CTNND1: variants seen among roughly 807,000 people sequenced by gnomAD.
CTNND1 encodes the protein catenin delta 1.
A neutral mutation model predicts 112.1 loss-of-function variants in CTNND1; 16 were observed. The observed-to-expected ratio is 0.14, with a 90% CI of 0.10 to 0.22. The LOEUF is 0.22. Ranked by LOEUF, CTNND1 falls within the 10% of genes least tolerant of loss-of-function variation. The probability of loss-of-function intolerance (pLI) is 1.00; values close to 1 mark genes in which losing one functional copy is unlikely to be tolerated. For missense variants in CTNND1, 1,008 were observed against 1,257.0 expected (o/e 0.80, Z 3.00); for synonymous variants, 420 against 446.5 (o/e 0.94, Z 0.75).
At position 57,796,501 on chromosome 11, in the gene CTNND1, A is replaced by T. The variant is rs1399950402; in HGVS notation, c.465A>T (p.Pro155=). ...CTGTGACAACACGGACAGTACAGCC[A>T]GTCGCTATGGGACCAGACGGGTTGC... ...VKTVTTRTVQ[P]VAMGPDGLPV... is the part of the protein sequence containing the mutation. Residue 155 remains proline, a synonymous_variant, in exon 6 of 21, where the codon CCA becomes CCT. Transcript: ENST00000399050. 1 of 1,613,826 alleles carries T rather than the reference A, an allele frequency of 6.2e-7. No homozygotes were observed. The highest frequency in any genetic ancestry group is 1.7e-5 in the Admixed American group (1 of 60,014).
intron 3 of CTNND1, 88 bp from the exon 4 acceptor site, chr11:57,793,922 T>G (rs1275760503): frequency 7.4e-7 from 1 of 1,347,022 alleles, no homozygotes; most frequent in Non-Finnish European, 1.1e-6. Context: ...TTGAAAGCCC[T>G]TTTCCTGTTT....
chr11:57,774,964 C>T (rs1218585551), intron 1 of CTNND1, among the ~76,000 whole-genome samples: 2 of 150,784 alleles, frequency 1.3e-5, no homozygotes, highest in Non-Finnish European at 2.9e-5. Context: ...CTGCCTGCCT[C>T]AGCCTCCCAA....
intron 1 of CTNND1, among the ~76,000 whole-genome samples, chr11:57,766,739 T>G (rs1253374715): frequency 6.6e-6 from 1 of 152,184 alleles, no homozygotes; most frequent in Non-Finnish European, 1.5e-5. Context: ...TTTAATTGTT[T>G]AATGTATTTT....
intron 4 of CTNND1, 22 bp from the exon 5 acceptor site, chr11:57,795,550 TTCTTC>T: frequency 1.3e-6 from 2 of 1,594,924 alleles, no homozygotes. Context: ...TAATAGTAGT[TTCTTC>T]TCTTTTCTCT....
chr11:57,814,864 T>C (rs1228137737), intron 18 of CTNND1, among the ~76,000 whole-genome samples: 1 of 152,170 alleles, frequency 6.6e-6, no homozygotes, highest in African/African-American at 2.4e-5. Context: ...GCAGCATATT[T>C]CACTCGCTCT....
intron 1 of CTNND1, among the ~76,000 whole-genome samples, chr11:57,781,865 C>T (rs187339716): frequency 4.3e-4 from 66 of 152,236 alleles, no homozygotes; most frequent in Middle Eastern, 3.4e-3. Flanking sequence ...GGCCCCCTCA[C>T]TAGCTGAGAG....
intron 1 of CTNND1, among the ~76,000 whole-genome samples, chr11:57,783,572 T>A (rs1057294456): frequency 6.6e-5 from 10 of 151,304 alleles, no homozygotes; most frequent in Non-Finnish European, 2.9e-5. Context: ...GGCAGGAGAA[T>A]GCTGTGAACC....
At position 57,815,387 on chromosome 11, in the gene CTNND1, TAACC is replaced by T; in HGVS notation, c.2702-5_2702-2del. The T allele has an allele frequency of 6.6e-7, 1 of 1,525,364 alleles. No individual in the cohort carries two copies. The allele number at this position is 1,525,364 out of a possible 1,614,324, so 94.5% of individuals were successfully genotyped here. A position where few individuals can be genotyped will look rare whatever the true frequency, so the allele number is the denominator to read the frequency against. On this transcript the variant is annotated splice_polypyrimidine_tract_variant and splice_region_variant and intron_variant, in intron 18 of 20. Transcript: ENST00000399050. ...ATATTTCTGTGTACTTTTTTTTTTTTAACCAGATAACAACTATTCCACACCAAAT... is the reference window on the plus strand; with the variant it reads ...ATATTTCTGTGTACTTTTTTTTTTTTAGATAACAACTATTCCACACCAAAT...
chr11:57,810,096 C>G lies in CTNND1; in HGVS notation c.2436-13C>G. On this transcript the variant is annotated splice_polypyrimidine_tract_variant and intron_variant, in intron 15 of 20. Transcript: ENST00000399050. The stretch of plus-strand genomic sequence containing the variant: ...TATATCCAAATTCCGTATGGTGTTA[C>G]TTTCCTCCAAAGGAACCGCTCAGAA... 6.3e-7 allele frequency: 1 copy of G among 1,595,638 alleles called. No individual in the cohort carries two copies. The highest frequency in any genetic ancestry group is 8.5e-7 in the Non-Finnish European group (1 of 1,170,434).
rs1261959449 is a variant in CTNND1, at chr11:57,805,875, C to T, written c.1723-7C>T. On this transcript the variant is annotated splice_region_variant and splice_polypyrimidine_tract_variant and intron_variant, in intron 9 of 20. Transcript: ENST00000399050. Reference sequence around the variant, plus strand: ...TTTTTTCTCATTGGCCCTTTTATGTCCCTAAGCTTGTAGAGAACTGTGTTT... The same window carrying T: ...TTTTTTCTCATTGGCCCTTTTATGTTCCTAAGCTTGTAGAGAACTGTGTTT... 1 of 1,612,966 alleles carries T rather than the reference C, an allele frequency of 6.2e-7. No homozygotes were observed. Among genetic ancestry groups the T allele is most frequent in the Admixed American group, 1.7e-5 (1 of 59,920 alleles).
chr11:57,814,329 A>C lies in CTNND1; in HGVS notation c.2657A>C (p.Glu886Ala), dbSNP rs749370082. The change falls in exon 18 of 21, where the codon GAA (glutamate) becomes GCA (alanine). Residue 886 changes from glutamate (E) to alanine (A), a missense_variant. This residue lies in a region of CTNND1 where 106 missense variants were observed against 116.2 expected (regional missense o/e 0.91). Coordinates refer to ENST00000399050, the MANE Select transcript of CTNND1 (RefSeq NM_001085458.2). ...NQKSDKKPDREEIQMSNMGSN... is the reference protein window; with the variant it reads ...NQKSDKKPDRAEIQMSNMGSN... ...CATACAGATAAGAAACCTGATCGGG[A>C]AGAAATTCAGATGAGCAATATGGGA... 6.2e-7 allele frequency: 1 copy of C among 1,612,118 alleles called. No homozygotes were observed. Among genetic ancestry groups the C allele is most frequent in the Non-Finnish European group, 8.5e-7 (1 of 1,179,046 alleles).
chr11:57,786,271 C>T (rs973234377), intron 1 of CTNND1, among the ~76,000 whole-genome samples: 2 of 151,058 alleles, frequency 1.3e-5, no homozygotes, highest in Admixed American at 6.6e-5. Flanking sequence ...CCGTGGCTCA[C>T]GCCTGTAATC....
In CTNND1 at chr11:57,796,959, CTGGGA is replaced by C; in HGVS notation, c.924_928del (p.Gly309ThrfsTer3). ...TCTGATTATGGCACTGCCCGTCGGA[CTGGGA>C]CACCCTCTGACCCTCGTCGGCGCCT... On this transcript the variant is annotated frameshift_variant, in exon 6 of 21. Transcript: ENST00000399050. LOFTEE classifies it high-confidence loss of function. 2 of 1,524,564 alleles carry C rather than the reference CTGGGA, an allele frequency of 1.3e-6. No individual in the cohort carries two copies. The highest frequency in any genetic ancestry group is 1.3e-5 in the South Asian group (1 of 78,166). 94.4% of individuals were successfully genotyped at this position (1,524,564 alleles called of 1,614,324 possible).
At chr11:57,800,158 G>A (rs1246925818) in intron 6 of CTNND1, among the ~76,000 whole-genome samples, 1 of 151,228 alleles carries the variant, frequency 6.6e-6, no homozygotes, top group African/African-American at 2.4e-5. Context: ...TTATGGTTGG[G>A]GTGGATGCAA....
At chr11:57,794,992 A>T (rs959516601) in intron 4 of CTNND1, among the ~76,000 whole-genome samples, 12 of 151,534 alleles carry the variant, frequency 7.9e-5, no homozygotes, top group African/African-American at 2.7e-4. Context: ...TGAGCCCAGG[A>T]GTTCAAGACC....
chr11:57,815,977 G>A lies in CTNND1; in HGVS notation c.2871G>A (p.Gly957=). Reference sequence around the variant, plus strand: ...ATGTGTTGGTTTTGGATGATGAGGGGGGCCAAGTGTCTTACCCCTCCATGG... The same window carrying A: ...ATGTGTTGGTTTTGGATGATGAGGGAGGCCAAGTGTCTTACCCCTCCATGG... The part of the protein sequence containing the change: ...ELDVLVLDDE[G]GQVSYPSMQK... The change falls in exon 20 of 21, where the codon GGG becomes GGA. Residue 957 remains glycine, a synonymous_variant. Transcript: ENST00000399050. 3 of 1,595,996 alleles carry A rather than the reference G, an allele frequency of 1.9e-6. No homozygotes were observed. The highest frequency in any genetic ancestry group is 2.6e-6 in the Non-Finnish European group (3 of 1,175,238).
chr11:57,786,701 T>G (rs1337904543), intron 1 of CTNND1, among the ~76,000 whole-genome samples: 1 of 152,170 alleles, frequency 6.6e-6, no homozygotes, highest in Non-Finnish European at 1.5e-5. Context: ...CTCCAAGCGA[T>G]GAGACCATTT....
chr11:57,813,288 G>A (rs2063582158), intron 17 of CTNND1, among the ~76,000 whole-genome samples: 1 of 152,162 alleles, frequency 6.6e-6, no homozygotes, highest in Admixed American at 6.5e-5. Flanking sequence ...TTGTGCTACT[G>A]CATTCCAGCC....
Position 57,808,413 on chromosome 11 carries a change from T to A in CTNND1, c.2115T>A (p.Ala705=). 2 of 1,611,864 alleles carry A rather than the reference T, an allele frequency of 1.2e-6. No individual in the cohort carries two copies. The highest frequency in any genetic ancestry group is 1.7e-6 in the Non-Finnish European group (2 of 1,178,802). The change falls in exon 14 of 21, where the codon GCT becomes GCA. Residue 705 remains alanine, a synonymous_variant. Coordinates refer to ENST00000399050, the MANE Select transcript of CTNND1 (RefSeq NM_001085458.2). ...RWTYGRYIRS[A]LRQEKALSAI... ...AGTATGGTCGATACATCCGCTCTGC[T>A]CTGCGTCAAGAGAAGGCTCTTTCTG... is the stretch of plus-strand genomic sequence containing the variant.
Sources: allele counts gnomAD v4.1 joint callset (sites outside exome capture counted in the v4.1 genomes callset), GRCh38; gene constraint gnomAD v4.1.1; regional missense constraint gnomAD v4.1.1; transcripts MANE v1.5; gene names NCBI Gene and HGNC (gene_info 2026-07-23, HGNC 2026-07-21).